PKHD1: variants seen among roughly 807,000 people sequenced by gnomAD.
PKHD1 encodes fibrocystin.
Under a neutral mutation model 412.0 loss-of-function variants are expected in PKHD1, and 291 were observed. The observed-to-expected ratio is 0.71, with a 90% CI of 0.64 to 0.78. PKHD1 has a LOEUF of 0.78. Ranked by LOEUF, PKHD1 falls within the 30% of genes least tolerant of loss-of-function variation. The probability of loss-of-function intolerance (pLI) is 0.00; values close to 1 mark genes in which losing one functional copy is unlikely to be tolerated. For synonymous variants in PKHD1, 1,777 were observed against 1,821.5 expected, an observed-to-expected ratio of 0.98 and a Z score of 0.62; for missense variants, 4,825 against 4,950.7, an observed-to-expected ratio of 0.97 and a Z score of 0.76.
chr6:51,999,208 A>G (rs558593905), intron 35 of PKHD1, among the ~76,000 whole-genome samples: 1 of 152,322 alleles, frequency 6.6e-6, no homozygotes, highest in East Asian at 1.9e-4. Flanking sequence ...CCACTCATAC[A>G]TACAGTAATA....
intron 60 of PKHD1, among the ~76,000 whole-genome samples, chr6:51,663,677 G>C (rs977648351): frequency 2.6e-5 from 4 of 152,050 alleles, no homozygotes; most frequent in African/African-American, 4.8e-5. Context: ...TTCTTGTCAG[G>C]TGTCTAATTA....
intron 52 of PKHD1, among the ~76,000 whole-genome samples, chr6:51,812,817 C>G (rs1214007408): frequency 6.6e-6 from 1 of 152,132 alleles, no homozygotes; most frequent in Non-Finnish European, 1.5e-5. Flanking sequence ...CATCTATTAC[C>G]TCTAAGGGTA....
intron 63 of PKHD1, among the ~76,000 whole-genome samples, chr6:51,639,610 A>G (rs1331284658): frequency 6.6e-6 from 1 of 152,002 alleles, no homozygotes; most frequent in Admixed American, 6.6e-5. Context: ...ACAAAAAAAA[A>G]CCCTTGCGTC....
chr6:51,674,373 C>A (rs1775501176), intron 60 of PKHD1, among the ~76,000 whole-genome samples: 1 of 152,114 alleles, frequency 6.6e-6, no homozygotes, highest in Non-Finnish European at 1.5e-5. Flanking sequence ...TACAAAGATG[C>A]CCTCAAGACA....
In PKHD1 at chr6:51,733,468, C is replaced by T. The variant is rs371347457; in HGVS notation, c.10156+10917G>A. ...AGGAGAATGGTGTGAACCCAGGAGG[C>T]GGAGCTTGCAGTGAGCTGAGATCAC... On this transcript the variant is annotated intron_variant, in intron 60 of 66. Transcript: ENST00000371117. Among the ~76,000 whole-genome samples the T allele has an allele frequency of 1.5e-4, 22 of 148,052 alleles. 1 individual carries two copies. In the East Asian group the frequency reaches 3.8e-3, roughly 26 times the overall value.
chr6:51,657,807 T>C (rs1581882279), intron 61 of PKHD1, among the ~76,000 whole-genome samples: 1 of 152,174 alleles, frequency 6.6e-6, no homozygotes, highest in Non-Finnish European at 1.5e-5. Context: ...TCTCTGTTTC[T>C]AGTTAAAAGC....
intron 33 of PKHD1, among the ~76,000 whole-genome samples, 168 bp from the exon 34 acceptor site, chr6:52,017,797 C>T (rs1030505509): frequency 6.6e-6 from 1 of 152,070 alleles, no homozygotes; most frequent in Non-Finnish European, 1.5e-5. Flanking sequence ...CAGAAAAATA[C>T]AAGTATCATT....
At position 52,048,588 on chromosome 6, in the gene PKHD1, A is replaced by AT. The variant is rs767737392; in HGVS notation, c.2310dup (p.Ser771IlefsTer28). The AT allele has an allele frequency of 2.1e-5, 34 of 1,614,106 alleles. No homozygotes were observed. Among genetic ancestry groups the AT allele is most frequent in the Non-Finnish European group, 2.7e-5 (32 of 1,179,976 alleles). Reference sequence around the variant, plus strand: ...TGTGTCGTCACCAGGACCAGTCCAGATCCCTCTTCTGTTCCTTCAGTGGGC... The same window carrying AT: ...TGTGTCGTCACCAGGACCAGTCCAGATTCCCTCTTCTGTTCCTTCAGTGGGC... On this transcript the variant is annotated frameshift_variant, in exon 23 of 67. Coordinates refer to ENST00000371117, the MANE Select transcript of PKHD1 (RefSeq NM_138694.4). LOFTEE classifies it high-confidence loss of function.
chr6:51,948,770 C>T (rs999086232), intron 36 of PKHD1, among the ~76,000 whole-genome samples: 1 of 152,064 alleles, frequency 6.6e-6, no homozygotes, highest in Non-Finnish European at 1.5e-5. Context: ...CAACTGTCAA[C>T]CATCAACATT....
chr6:52,059,829 A>T, intron 15 of PKHD1, 99 bp downstream of exon 15: 1 of 735,766 alleles, frequency 1.4e-6, no homozygotes. Flanking sequence ...GGCATGTTAA[A>T]CTATCTGTAA....
chr6:51,860,305 G>A (rs1037259928), intron 48 of PKHD1, among the ~76,000 whole-genome samples: 2 of 152,302 alleles, frequency 1.3e-5, no homozygotes, highest in South Asian at 2.1e-4. Flanking sequence ...CAAAAATTCA[G>A]TCAGGTCATC....
At chr6:51,780,029 A>C (rs1289421677) in intron 53 of PKHD1, among the ~76,000 whole-genome samples, 1 of 145,746 alleles carries the variant, frequency 6.9e-6, no homozygotes, top group Non-Finnish European at 1.5e-5. Flanking sequence ...ACAATTCATA[A>C]TAAAAAAATT....
intron 60 of PKHD1, among the ~76,000 whole-genome samples, chr6:51,729,542 T>C (rs1305961610): frequency 6.6e-6 from 1 of 152,214 alleles, no homozygotes. Context: ...TCTGTTTTAC[T>C]GTTTTATTTA....
rs535029082 is a variant in PKHD1 at position 51,705,856 on chromosome 6, T to G, written c.10156+38529A>C. Reference sequence around the variant, plus strand: ...CATGGTCATGGGCAGAGAAGGGCAATTGTGATTAATCACAGGTGCTGGCTA... The same window carrying G: ...CATGGTCATGGGCAGAGAAGGGCAAGTGTGATTAATCACAGGTGCTGGCTA... On this transcript the variant is annotated intron_variant, in intron 60 of 66. Coordinates refer to ENST00000371117, the MANE Select transcript of PKHD1 (RefSeq NM_138694.4). Among the ~76,000 whole-genome samples the G allele has an allele frequency of 2.6e-4, 39 of 152,250 alleles. 1 individual carries two copies. The South Asian group carries it at 7.7e-3, about 30-fold the overall frequency.
chr6:51,898,940 C>G (rs556830841), intron 43 of PKHD1, among the ~76,000 whole-genome samples: 24 of 152,224 alleles, frequency 1.6e-4, no homozygotes, highest in African/African-American at 5.8e-4. Flanking sequence ...TTCCTGAACA[C>G]ATACACTCTC....
intron 43 of PKHD1, among the ~76,000 whole-genome samples, chr6:51,889,580 T>C (rs959411910): frequency 6.6e-5 from 10 of 152,230 alleles, no homozygotes; most frequent in Non-Finnish European, 1.2e-4. Flanking sequence ...CTGGCAGGCT[T>C]TACCTGGGGG....
chr6:52,055,232 T>C (rs148456298), intron 19 of PKHD1, among the ~76,000 whole-genome samples: 1 of 152,328 alleles, frequency 6.6e-6, no homozygotes, highest in Non-Finnish European at 1.5e-5. Context: ...GAAGGCATAC[T>C]GTACTTAAGA....
At chr6:52,023,487 C>T (rs1345533779) in intron 32 of PKHD1, among the ~76,000 whole-genome samples, 3 of 152,122 alleles carry the variant, frequency 2.0e-5, no homozygotes, top group African/African-American at 7.2e-5. Flanking sequence ...TAGGGCCCTG[C>T]TACAATTTAT....
intron 60 of PKHD1, among the ~76,000 whole-genome samples, chr6:51,711,937 A>G (rs1358545440): frequency 1.3e-5 from 2 of 152,222 alleles, no homozygotes; most frequent in Admixed American, 1.3e-4. Flanking sequence ...TGGTTTTGGA[A>G]GTAATGCCTG....
Sources: allele counts gnomAD v4.1 joint callset (sites outside exome capture counted in the v4.1 genomes callset), GRCh38; gene constraint gnomAD v4.1.1; transcripts MANE v1.5; gene names NCBI Gene and HGNC (gene_info 2026-07-23, HGNC 2026-07-21).